Variants in PCGF5 observed in about 807,000 individuals in gnomAD.
The protein encoded by PCGF5 is polycomb group ring finger 5, also known as polycomb group RING finger protein 5.
In PCGF5, 9 loss-of-function variants were observed where a neutral mutation model predicts 44.3. The ratio of observed to expected loss-of-function variants is 0.20; its 90% CI spans 0.12 to 0.35. The LOEUF (loss-of-function observed/expected upper bound fraction) is 0.35, where lower values mean the gene tolerates loss of function less well. Among genes scored for constraint, PCGF5 ranks in the 10% least tolerant of loss-of-function variants. The probability of loss-of-function intolerance (pLI) is 1.00; values close to 1 mark genes in which losing one functional copy is unlikely to be tolerated. For synonymous variants in PCGF5, 95 were observed against 102.5 expected (o/e 0.93, Z 0.44); for missense variants, 146 against 305.3 (o/e 0.48, Z 3.89).
At chr10:91,219,882 A>G (rs1364884852), upstream of PCGF5, among the ~76,000 whole-genome samples, 2 of 152,144 alleles carry the variant, frequency 1.3e-5, no homozygotes, top group African/African-American at 4.8e-5. Context: ...AGAGTCATCT[A>G]TCACTTTAGT....
chr10:91,179,975 A>C (rs1009236124), intron 1 of PCGF5, among the ~76,000 whole-genome samples: 4 of 152,160 alleles, frequency 2.6e-5, no homozygotes, highest in Admixed American at 1.3e-4. Flanking sequence ...AATAATATAT[A>C]ACATTTCTTT....
chr10:91,214,478 G>T (rs1844507696), intron 1 of PCGF5, among the ~76,000 whole-genome samples: 1 of 152,152 alleles, frequency 6.6e-6, no homozygotes, highest in Non-Finnish European at 1.5e-5. Context: ...ACTATACTTA[G>T]CTACCTCTGG....
chr10:91,202,316 G>A (rs2421485), intron 1 of PCGF5, among the ~76,000 whole-genome samples: 141,044 of 152,288 alleles, frequency 0.93, 65,393 homozygotes, highest in African/African-American at 0.97. Context: ...ATCCACCACC[G>A]TTGTGATCTG....
chr10:91,227,831 C>T, intron 2 of PCGF5: 1 of 987,150 alleles, frequency 1.0e-6, no homozygotes, highest in Non-Finnish European at 1.2e-6. Flanking sequence ...ATGAATGCCT[C>T]CTCTGTGCCC....
chr10:91,260,245 T>G (rs528993306), intron 6 of PCGF5, among the ~76,000 whole-genome samples: 22 of 152,100 alleles, frequency 1.4e-4, no homozygotes, highest in African/African-American at 5.3e-4. Context: ...GAAATGCAAA[T>G]CAAACCACAA....
chr10:91,230,086 A>G (rs1343619513), intron 2 of PCGF5, among the ~76,000 whole-genome samples: 1 of 152,186 alleles, frequency 6.6e-6, no homozygotes, highest in Non-Finnish European at 1.5e-5. Context: ...TTTTGAAACT[A>G]TGTATTAGAT....
chr10:91,188,140 G>A (rs765959024), intron 1 of PCGF5, among the ~76,000 whole-genome samples: 5 of 152,218 alleles, frequency 3.3e-5, no homozygotes, highest in Non-Finnish European at 7.3e-5. Flanking sequence ...GCAGAAGACG[G>A]GTGATTTCTG....
chr10:91,156,615 T>C, the PCGF5 span, among the ~76,000 whole-genome samples: 2 of 152,136 alleles, frequency 1.3e-5, no homozygotes, highest in Admixed American at 6.5e-5. Context: ...GAGTCAGAGA[T>C]TGCCTGTGTC....
At chr10:91,244,110 A>G (rs1366954972) in intron 3 of PCGF5, among the ~76,000 whole-genome samples, 1 of 152,216 alleles carries the variant, frequency 6.6e-6, no homozygotes, top group African/African-American at 2.4e-5. Context: ...AGTAATTTAT[A>G]TGGTATGTTA....
chr10:91,210,418 T>G (rs144975291), intron 1 of PCGF5, among the ~76,000 whole-genome samples: 16 of 152,346 alleles, frequency 1.1e-4, no homozygotes, highest in African/African-American at 3.6e-4. Context: ...AACCTGCAAA[T>G]CTAGTAAGAT....
chr10:91,172,433 T>C (rs1843626035), intron 1 of PCGF5, among the ~76,000 whole-genome samples: 1 of 151,728 alleles, frequency 6.6e-6, no homozygotes, highest in Non-Finnish European at 1.5e-5. Context: ...AAAAAAAAAA[T>C]GCCCTCTAGG....
At chr10:91,250,907 T>C (rs1845607674) in intron 5 of PCGF5, among the ~76,000 whole-genome samples, 1 of 105,470 alleles carries the variant, frequency 9.5e-6, no homozygotes, top group East Asian at 2.4e-4. Context: ...TATACTTATT[T>C]ATAAACGAGT....
chr10:91,170,733 G>GCACAATCC, intron 1 of PCGF5, among the ~76,000 whole-genome samples: 1 of 152,172 alleles, frequency 6.6e-6, no homozygotes, highest in East Asian at 1.9e-4. Flanking sequence ...TACTCTTACT[G>GCACAATCC]CACAATCCAG....
rs2133484371 is a variant in PCGF5, at chr10:91,280,870, T to C, written c.*2554T>C. 1 of 152,532 alleles carries C rather than the reference T, an allele frequency of 6.6e-6. No individual in the cohort carries two copies. The highest frequency in any genetic ancestry group is 1.9e-4 in the East Asian group (1 of 5,190). 9.4% of individuals were successfully genotyped at this position (152,532 alleles called of 1,614,324 possible). On this transcript the variant is annotated 3_prime_UTR_variant, in exon 10 of 10. Coordinates refer to ENST00000336126, the MANE Select transcript of PCGF5 (RefSeq NM_032373.5). ...GCTTATAAAATGATAAAATGAATTCTTTAAATAACCTATAGGAATCATCTG... is the reference window on the plus strand; with the variant it reads ...GCTTATAAAATGATAAAATGAATTCCTTAAATAACCTATAGGAATCATCTG...
chr10:91,192,630 A>AT, intron 1 of PCGF5, among the ~76,000 whole-genome samples: 1 of 152,346 alleles, frequency 6.6e-6, no homozygotes, highest in South Asian at 2.1e-4. Context: ...CAAAACAATG[A>AT]TTCTTGATCT....
At chr10:91,177,242 T>C (rs1843723762) in intron 1 of PCGF5, among the ~76,000 whole-genome samples, 1 of 152,240 alleles carries the variant, frequency 6.6e-6, no homozygotes, top group African/African-American at 2.4e-5. Flanking sequence ...ACAGCAAATG[T>C]TGCTGCCTGA....
rs1704656879 is a variant in PCGF5, at chr10:91,279,156, T to C, written c.*840T>C. 1 of 152,246 alleles carries C rather than the reference T, an allele frequency of 6.6e-6. No homozygotes were observed. The highest frequency in any genetic ancestry group is 1.5e-5 in the Non-Finnish European group (1 of 68,018). The allele number at this position is 152,246 out of a possible 1,614,324, so 9.4% of individuals were successfully genotyped here. A position where few individuals can be genotyped will look rare whatever the true frequency, so the allele number is the denominator to read the frequency against. On this transcript the variant is annotated 3_prime_UTR_variant, in exon 10 of 10. Transcript: ENST00000336126. ...AAACGTCATTGTATAGCCCATTTCA[T>C]GTATCATTACATTGTTGCTGTTATT...
At chr10:91,260,265 A>G (rs1449033846) in intron 6 of PCGF5, among the ~76,000 whole-genome samples, 1 of 152,240 alleles carries the variant, frequency 6.6e-6, no homozygotes, top group Non-Finnish European at 1.5e-5. Flanking sequence ...ATGAGATACC[A>G]TCTCACACCA....
chr10:91,169,106 A>G (rs1162992538), intron 1 of PCGF5, among the ~76,000 whole-genome samples: 1 of 152,058 alleles, frequency 6.6e-6, no homozygotes, highest in Admixed American at 6.5e-5. Context: ...CATACATGCA[A>G]TTGCCCAGGG....
Sources: gnomAD v4.1 joint callset for allele counts (sites outside exome capture counted in the v4.1 genomes callset) on GRCh38, gnomAD v4.1.1 for gene constraint, MANE v1.5 for transcripts, NCBI Gene and HGNC (gene_info 2026-07-23, HGNC 2026-07-21) for gene names.